Variants in CSMD1 observed in about 807,000 individuals in gnomAD.
CSMD1 encodes CUB and Sushi multiple domains 1.
In CSMD1, 213 loss-of-function variants were observed where a neutral mutation model predicts 417.5. That is an observed-to-expected ratio of 0.51 (90% CI 0.46 to 0.57). CSMD1 has a LOEUF of 0.57. Among genes scored for constraint, CSMD1 ranks in the 20% least tolerant of loss-of-function variants. The pLI, the probability that CSMD1 is intolerant of heterozygous loss-of-function variation, is 0.00. For synonymous variants in CSMD1, 2,862 were observed against 1,736.8 expected, an observed-to-expected ratio of 1.65 and a Z score of -16.11; for missense variants, 6,923 against 4,529.7, an observed-to-expected ratio of 1.53 and a Z score of -15.17.
chr8:4,290,088 A>T (rs142073160), intron 3 of CSMD1, among the ~76,000 whole-genome samples: 1 of 152,332 alleles, frequency 6.6e-6, no homozygotes, highest in African/African-American at 2.4e-5. Flanking sequence ...TTATAGTGGC[A>T]TACAGATGTG....
At chr8:4,551,981 C>A (rs1797893212) in intron 2 of CSMD1, among the ~76,000 whole-genome samples, 1 of 152,044 alleles carries the variant, frequency 6.6e-6, no homozygotes, top group Non-Finnish European at 1.5e-5. Context: ...GCCACTGCTC[C>A]TAGCTGGTCA....
chr8:4,169,697 T>C (rs2131131362), intron 3 of CSMD1, among the ~76,000 whole-genome samples: 1 of 152,254 alleles, frequency 6.6e-6, no homozygotes, highest in Non-Finnish European at 1.5e-5. Flanking sequence ...CTCCCTGCCC[T>C]GTGCATGGCT....
In CSMD1 at chr8:4,068,992, G is replaced by A. The variant is rs193146990; in HGVS notation, c.416-36893C>T. On this transcript the variant is annotated intron_variant, in intron 3 of 69. Transcript: ENST00000635120. ...CCTTTGTTCAAACGTTGAATGGCTTGGAAAGATAACCCAGTAGTTGATTTT... is the reference window on the plus strand; with the variant it reads ...CCTTTGTTCAAACGTTGAATGGCTTAGAAAGATAACCCAGTAGTTGATTTT... Among the ~76,000 whole-genome samples the A allele has an allele frequency of 5.9e-5, 9 of 152,196 alleles. No individual in the cohort carries two copies. The East Asian group carries it at 1.4e-3, about 23-fold the overall frequency.
chr8:4,517,530 T>A (rs1803191544), intron 2 of CSMD1, among the ~76,000 whole-genome samples: 1 of 152,216 alleles, frequency 6.6e-6, no homozygotes, highest in African/African-American at 2.4e-5. Flanking sequence ...AACTACTGAT[T>A]TCTAACTCCC....
chr8:4,102,856 C>A (rs188183174), intron 3 of CSMD1, among the ~76,000 whole-genome samples: 117 of 152,278 alleles, frequency 7.7e-4, no homozygotes, highest in Non-Finnish European at 8.1e-4. Flanking sequence ...GGAATCTATC[C>A]TGAGAACCAG....
In CSMD1 at chr8:4,550,099, C is replaced by T. The variant is rs146403932; in HGVS notation, c.302+87243G>A. On this transcript the variant is annotated intron_variant, in intron 2 of 69. Transcript: ENST00000635120. ...CATGTTTGGATAGGCGTGGGTTGCTCGGTAGAAACGGACTTTTCCCCAGTT... is the reference window on the plus strand; with the variant it reads ...CATGTTTGGATAGGCGTGGGTTGCTTGGTAGAAACGGACTTTTCCCCAGTT... Among the ~76,000 whole-genome samples the T allele has an allele frequency of 1.0e-3, 153 of 151,734 alleles. 1 individual carries two copies. The highest frequency in any genetic ancestry group is 3.3e-3 in the African/African-American group (138 of 41,370).
intron 1 of CSMD1, among the ~76,000 whole-genome samples, chr8:4,705,670 G>T (rs755765403): frequency 6.6e-6 from 1 of 152,086 alleles, no homozygotes; most frequent in Non-Finnish European, 1.5e-5. Flanking sequence ...TGTATCTCGT[G>T]TCATATGAAT....
At chr8:4,853,010 C>A (rs1801575016) in intron 1 of CSMD1, among the ~76,000 whole-genome samples, 1 of 152,154 alleles carries the variant, frequency 6.6e-6, no homozygotes, top group Non-Finnish European at 1.5e-5. Context: ...GATGCAGGCA[C>A]ATTAAATGAC....
intron 8 of CSMD1, among the ~76,000 whole-genome samples, chr8:3,592,078 G>A (rs1219180290): frequency 6.6e-6 from 1 of 151,962 alleles, no homozygotes; most frequent in Non-Finnish European, 1.5e-5. Context: ...TGGAGGAATT[G>A]ACGGATTAGA....
intron 41 of CSMD1, 29 bp from the exon 42 acceptor site, chr8:3,118,616 C>T (rs1817004820): frequency 3.1e-6 from 5 of 1,597,074 alleles, no homozygotes; most frequent in Non-Finnish European, 4.3e-6. Flanking sequence ...CAAAATAAAG[C>T]TTATATTTGT....
chr8:3,767,515 G>T (rs903226000), intron 5 of CSMD1, among the ~76,000 whole-genome samples: 1 of 152,172 alleles, frequency 6.6e-6, no homozygotes, highest in Non-Finnish European at 1.5e-5. Context: ...CTAAGGCTTA[G>T]ATTATGCTCT....
chr8:4,761,905 AT>A (rs879666320), intron 1 of CSMD1, among the ~76,000 whole-genome samples: 21,115 of 115,664 alleles, frequency 0.18, 2,018 homozygotes, highest in East Asian at 0.32. Context: ...CTATCTATCT[AT>A]CTATCAATCT....
chr8:3,582,920 T>G (rs1344814176), intron 9 of CSMD1, among the ~76,000 whole-genome samples: 2 of 152,182 alleles, frequency 1.3e-5, no homozygotes, highest in Non-Finnish European at 1.5e-5. Context: ...CTAACTTAGG[T>G]GCTCCTGTGA....
chr8:4,601,918 A>C (rs551633827), intron 2 of CSMD1, among the ~76,000 whole-genome samples: 1 of 152,274 alleles, frequency 6.6e-6, no homozygotes, highest in South Asian at 2.1e-4. Context: ...GTGAACAAGA[A>C]GGAATTCCTT....
intron 3 of CSMD1, among the ~76,000 whole-genome samples, chr8:4,049,711 G>C (rs1798324112): frequency 1.3e-5 from 2 of 152,064 alleles, no homozygotes; most frequent in Non-Finnish European, 2.9e-5. Flanking sequence ...TTCAAATTTA[G>C]ACTACTTTAA....
intron 1 of CSMD1, among the ~76,000 whole-genome samples, chr8:4,951,795 A>G (rs1367553976): frequency 6.6e-6 from 1 of 151,850 alleles, no homozygotes; most frequent in East Asian, 1.9e-4. Context: ...GGTGAAAGAT[A>G]TTTCTGAGCC....
intron 40 of CSMD1, among the ~76,000 whole-genome samples, chr8:3,146,404 T>TA (rs2129033498): frequency 6.6e-6 from 1 of 152,208 alleles, no homozygotes; most frequent in South Asian, 2.1e-4. Flanking sequence ...GTTTAACTAT[T>TA]AAAAACAGCA....
At chr8:4,487,486 G>C (rs982729843) in intron 2 of CSMD1, among the ~76,000 whole-genome samples, 1 of 152,074 alleles carries the variant, frequency 6.6e-6, no homozygotes, top group African/African-American at 2.4e-5. Flanking sequence ...CCCTACAAAG[G>C]ACATGAAGTC....
In CSMD1 at chr8:4,127,695, G is replaced by A. The variant is rs35676711; in HGVS notation, c.416-95596C>T. On this transcript the variant is annotated intron_variant, in intron 3 of 69. Transcript: ENST00000635120. ...TAAGGAAGATATTAAATAATAGGCA[G>A]TCATGATGAATAAATTTAAGAAAGG... Among the ~76,000 whole-genome samples the A allele has an allele frequency of 2.5e-3, 388 of 152,180 alleles. 4 individuals are homozygous for A. Among genetic ancestry groups the A allele is most frequent in the African/African-American group, 8.9e-3 (368 of 41,486 alleles).
Sources: gnomAD v4.1 joint callset for allele counts (sites outside exome capture counted in the v4.1 genomes callset) on GRCh38, gnomAD v4.1.1 for gene constraint, MANE v1.5 for transcripts, NCBI Gene and HGNC (gene_info 2026-07-23, HGNC 2026-07-21) for gene names.